The following LHFPL4 variants were observed in gnomAD, a reference collection of about 807,000 sequenced individuals.
LHFPL4 encodes the protein LHFPL tetraspan subfamily member 4.
A neutral mutation model predicts 20.0 loss-of-function variants in LHFPL4; 6 were observed. The observed-to-expected ratio is 0.30, with a 90% CI of 0.16 to 0.59. The LOEUF (loss-of-function observed/expected upper bound fraction) is 0.59, where lower values mean the gene tolerates loss of function less well. Ranked by LOEUF, LHFPL4 falls within the 20% of genes least tolerant of loss-of-function variation. The pLI, the probability that LHFPL4 is intolerant of heterozygous loss-of-function variation, is 0.88. For missense variants in LHFPL4, 215 were observed against 331.2 expected, an observed-to-expected ratio of 0.65 and a Z score of 2.72; for synonymous variants, 129 against 143.8, an observed-to-expected ratio of 0.90 and a Z score of 0.74.
intron 2 of LHFPL4, among the ~76,000 whole-genome samples, chr3:9,551,965 T>G (rs1030180356): frequency 6.6e-6 from 1 of 152,014 alleles, no homozygotes; most frequent in Admixed American, 6.6e-5. Context: ...AGATAAATAT[T>G]TCCCCCAAGA....
At chr3:9,542,649 T>G (rs1030563281) in intron 2 of LHFPL4, among the ~76,000 whole-genome samples, 1 of 150,092 alleles carries the variant, frequency 6.7e-6, no homozygotes, top group Admixed American at 6.6e-5. Context: ...TCTACCAAAG[T>G]TTTAAAAAAA....
chr3:9,521,417 T>A (rs922926457), intron 2 of LHFPL4, among the ~76,000 whole-genome samples: 2 of 150,952 alleles, frequency 1.3e-5, no homozygotes, highest in South Asian at 2.1e-4. Flanking sequence ...TTTTTTTTTT[T>A]ATTAGACGGA....
intron 2 of LHFPL4, among the ~76,000 whole-genome samples, chr3:9,548,331 A>T (rs1483002847): frequency 6.6e-6 from 1 of 152,220 alleles, no homozygotes. Flanking sequence ...CAGTCATAGC[A>T]GTATCCAACT....
intron 2 of LHFPL4, among the ~76,000 whole-genome samples, chr3:9,513,296 G>A (rs897451423): frequency 6.6e-6 from 1 of 151,868 alleles, no homozygotes; most frequent in Non-Finnish European, 1.5e-5. Context: ...ATAACCTTGG[G>A]TCATTTATTT....
intron 2 of LHFPL4, among the ~76,000 whole-genome samples, chr3:9,533,892 G>A (rs1166521301): frequency 6.6e-6 from 1 of 151,926 alleles, no homozygotes; most frequent in Non-Finnish European, 1.5e-5. Flanking sequence ...TTTTCTTTGG[G>A]CTGTAGATTT....
chr3:9,519,773 C>T (rs1248256798), intron 2 of LHFPL4, among the ~76,000 whole-genome samples: 1 of 152,000 alleles, frequency 6.6e-6, no homozygotes, highest in Non-Finnish European at 1.5e-5. Context: ...AGGTTGTTCT[C>T]AATTCCTGAG....
chr3:9,501,846 G>A lies in LHFPL4; in HGVS notation c.*365C>T, dbSNP rs2046177505. The A allele has an allele frequency of 8.8e-6, 2 of 226,482 alleles. No homozygotes were observed. Among genetic ancestry groups the A allele is most frequent in the Non-Finnish European group, 1.7e-5 (2 of 115,914 alleles). The allele number at this position is 226,482 out of a possible 1,614,324, so 14.0% of individuals were successfully genotyped here. On this transcript the variant is annotated 3_prime_UTR_variant, in exon 4 of 4. Transcript: ENST00000287585. ...GAGGTGCGGATACAGCCAGGCGGCA[G>A]CCCTCCAGACTGAGGGGGCCTGGGG...
rs779203728 is a variant in LHFPL4, at chr3:9,552,490, A to G, written c.190T>C (p.Tyr64His). Residue 64 changes from tyrosine to histidine, a missense_variant, in exon 2 of 4, where the codon TAC becomes CAC. Physicochemically the swap from Tyr to His is moderately conservative, Grantham distance 83. Transcript: ENST00000287585. ...CCCGCCAGCCCGCTGCCCACGCAGTAGTGGAAGAGGCCGAAGTAGCCAGGC... is the reference window on the plus strand; with the variant it reads ...CCCGCCAGCCCGCTGCCCACGCAGTGGTGGAAGAGGCCGAAGTAGCCAGGC... The part of the protein sequence containing the change: ...PKPGYFGLFH[Y>H]CVGSGLAGRE... 3.1e-6 allele frequency: 5 copies of G among 1,613,454 alleles called. No individual in the cohort carries two copies. Among genetic ancestry groups the G allele is most frequent in the Non-Finnish European group, 4.2e-6 (5 of 1,179,916 alleles).
chr3:9,525,958 G>A (rs1471759674), intron 2 of LHFPL4, among the ~76,000 whole-genome samples: 2 of 152,106 alleles, frequency 1.3e-5, no homozygotes, highest in African/African-American at 2.4e-5. Flanking sequence ...TATTGAGCAG[G>A]TAGAAAGACC....
intron 2 of LHFPL4, among the ~76,000 whole-genome samples, chr3:9,548,140 C>A (rs1455528094): frequency 6.6e-6 from 1 of 152,122 alleles, no homozygotes; most frequent in Non-Finnish European, 1.5e-5. Context: ...TATGGAGTTA[C>A]AATTCGGGCT....
intron 2 of LHFPL4, among the ~76,000 whole-genome samples, chr3:9,526,525 C>T (rs1193010691): frequency 6.6e-6 from 1 of 152,166 alleles, no homozygotes; most frequent in African/African-American, 2.4e-5. Flanking sequence ...CATATCATCT[C>T]CCTCCTTCAA....
intron 2 of LHFPL4, among the ~76,000 whole-genome samples, chr3:9,548,447 C>T (rs1285169365): frequency 6.6e-6 from 1 of 152,166 alleles, no homozygotes; most frequent in Non-Finnish European, 1.5e-5. Context: ...CACACTCAAG[C>T]CAGATGTGTC....
intron 2 of LHFPL4, among the ~76,000 whole-genome samples, chr3:9,551,763 C>G (rs894173544): frequency 1.3e-5 from 2 of 152,194 alleles, no homozygotes; most frequent in African/African-American, 4.8e-5. Context: ...ACAAAACACT[C>G]TTTCATTTGT....
intron 2 of LHFPL4, among the ~76,000 whole-genome samples, chr3:9,541,449 A>G (rs1455989751): frequency 6.6e-6 from 1 of 152,196 alleles, no homozygotes; most frequent in Non-Finnish European, 1.5e-5. Context: ...TGGACCCTGT[A>G]TGTCACACCG....
At chr3:9,518,584 T>C (rs1439905794) in intron 2 of LHFPL4, among the ~76,000 whole-genome samples, 2 of 152,186 alleles carry the variant, frequency 1.3e-5, no homozygotes, top group Non-Finnish European at 1.5e-5. Context: ...TCAATAGATA[T>C]AGGTTTATTT....
At chr3:9,523,695 A>T (rs889378258) in intron 2 of LHFPL4, among the ~76,000 whole-genome samples, 4 of 151,868 alleles carry the variant, frequency 2.6e-5, no homozygotes, top group African/African-American at 7.3e-5. Context: ...CTGATCTCGA[A>T]CTCCTGACCT....
intron 2 of LHFPL4, among the ~76,000 whole-genome samples, chr3:9,545,501 C>A (rs1282666040): frequency 2.0e-5 from 3 of 152,086 alleles, no homozygotes; most frequent in Non-Finnish European, 2.9e-5. Context: ...CATAGTGAGA[C>A]CCTGTCTCTA....
At chr3:9,540,802 G>A (rs186859675) in intron 2 of LHFPL4, among the ~76,000 whole-genome samples, 136 of 151,988 alleles carry the variant, frequency 8.9e-4, no homozygotes, top group African/African-American at 3.3e-3. Context: ...TGGGGAGGCT[G>A]AGGTGGGAGG....
chr3:9,538,918 T>C (rs983163344), intron 2 of LHFPL4, among the ~76,000 whole-genome samples: 1 of 151,964 alleles, frequency 6.6e-6, no homozygotes, highest in Non-Finnish European at 1.5e-5. Context: ...CAGGCTGGTC[T>C]TGAACCCCTG....
Sources: allele counts gnomAD v4.1 joint callset (sites outside exome capture counted in the v4.1 genomes callset), GRCh38; gene constraint gnomAD v4.1.1; transcripts MANE v1.5; gene names NCBI Gene and HGNC (gene_info 2026-07-23, HGNC 2026-07-21).